Variants in KCNIP3 observed in about 807,000 individuals in gnomAD.
The protein encoded by KCNIP3 is potassium voltage-gated channel interacting protein 3, also known as calsenilin.
KCNIP3 carries 28 observed loss-of-function variants against 35.0 expected under a neutral mutation model. The ratio of observed to expected loss-of-function variants is 0.80; its 90% confidence interval spans 0.59 to 1.10. KCNIP3 has a LOEUF of 1.10. Ranked by LOEUF, KCNIP3 falls within the 50% of genes least tolerant of loss-of-function variation. The pLI, the probability that KCNIP3 is intolerant of heterozygous loss-of-function variation, is 0.00. For synonymous variants in KCNIP3, 134 were observed against 133.8 expected (o/e 1.00, Z -0.01); for missense variants, 295 against 338.4 (o/e 0.87, Z 1.01).
chr2:95,319,912 G>C (rs781589211), intron 2 of KCNIP3, among the ~76,000 whole-genome samples: 2 of 152,172 alleles, frequency 1.3e-5, no homozygotes, highest in Non-Finnish European at 2.9e-5. Context: ...CAAGGTGGCC[G>C]TTGAGCCCCA....
At chr2:95,330,541 C>A (rs982284772) in intron 2 of KCNIP3, among the ~76,000 whole-genome samples, 11 of 152,196 alleles carry the variant, frequency 7.2e-5, no homozygotes, top group Non-Finnish European at 1.0e-4. Flanking sequence ...GAGACTCACC[C>A]GTCCGTACCC....
At chr2:95,368,013 T>C (rs1469757737) in intron 2 of KCNIP3, among the ~76,000 whole-genome samples, 1 of 152,170 alleles carries the variant, frequency 6.6e-6, no homozygotes, top group Non-Finnish European at 1.5e-5. Context: ...CCACCCGCCT[T>C]GGCCTCCCAA....
In KCNIP3 at chr2:95,381,452, G is replaced by C; in HGVS notation, c.448-144G>C. 3 of 641,164 alleles carry C rather than the reference G, an allele frequency of 4.7e-6. No homozygotes were observed. The Admixed American group carries it at 7.1e-5, about 15-fold the overall frequency. The allele number at this position is 641,164 out of a possible 1,614,324, so 39.7% of individuals were successfully genotyped here. A position where few individuals can be genotyped will look rare whatever the true frequency, so the allele number is the denominator to read the frequency against. On this transcript the variant is annotated intron_variant, in intron 5 of 8. Transcript: ENST00000295225. Reference sequence around the variant, plus strand: ...ACACACGGGCACACACTCACCCTGTGCTGACCTGAATGGATGCCGTCAGTC... The same window carrying C: ...ACACACGGGCACACACTCACCCTGTCCTGACCTGAATGGATGCCGTCAGTC...
At chr2:95,322,003 T>C (rs1168214160) in intron 2 of KCNIP3, among the ~76,000 whole-genome samples, 2 of 152,120 alleles carry the variant, frequency 1.3e-5, no homozygotes, top group Non-Finnish European at 2.9e-5. Flanking sequence ...CACTCATAGC[T>C]CTGTGTGAAG....
chr2:95,365,658 G>A (rs1053944689), intron 2 of KCNIP3, among the ~76,000 whole-genome samples: 21 of 152,162 alleles, frequency 1.4e-4, no homozygotes, highest in South Asian at 2.1e-4. Context: ...GTTTTTAATG[G>A]AAGAAATAGC....
intron 2 of KCNIP3, among the ~76,000 whole-genome samples, chr2:95,369,663 C>T (rs769689396): frequency 6.6e-6 from 1 of 151,168 alleles, no homozygotes; most frequent in Non-Finnish European, 1.5e-5. Context: ...TGGGGTCTTG[C>T]CCTGCTGCCC....
chr2:95,379,403 C>T (rs1348385495), intron 5 of KCNIP3, among the ~76,000 whole-genome samples: 2 of 152,208 alleles, frequency 1.3e-5, no homozygotes, highest in African/African-American at 2.4e-5. Context: ...ACCTGTTGCC[C>T]GGCATCTGCC....
In KCNIP3 at chr2:95,384,796, G is replaced by C. The variant is rs1284708728; in HGVS notation, c.*747G>C. ...CAAGTTTAGGGATTGGGTCGTGGTGGAGAATCTGAGGGCACTCTCTGCCAG... is the reference window on the plus strand; with the variant it reads ...CAAGTTTAGGGATTGGGTCGTGGTGCAGAATCTGAGGGCACTCTCTGCCAG... On this transcript the variant is annotated 3_prime_UTR_variant, in exon 9 of 9. Transcript: ENST00000295225. 6.6e-6 allele frequency: 1 copy of C among 152,602 alleles called. No homozygotes were observed. Among genetic ancestry groups the C allele is most frequent in the Non-Finnish European group, 1.5e-5 (1 of 68,358 alleles). 9.5% of individuals were successfully genotyped at this position (152,602 alleles called of 1,614,324 possible). A position where few individuals can be genotyped will look rare whatever the true frequency, so the allele number is the denominator to read the frequency against.
At chr2:95,306,716 G>A (rs1678182541) in intron 1 of KCNIP3, among the ~76,000 whole-genome samples, 1 of 152,032 alleles carries the variant, frequency 6.6e-6, no homozygotes, top group African/African-American at 2.4e-5. Flanking sequence ...TGGGGCTCCC[G>A]GCAGGGTTGG....
In KCNIP3 at chr2:95,328,301, G is replaced by A. The variant is rs549273476; in HGVS notation, c.181+17781G>A. Among the ~76,000 whole-genome samples the A allele has an allele frequency of 8.1e-4, 123 of 152,326 alleles. 1 individual carries two copies. The highest frequency in any genetic ancestry group is 3.1e-3 in the Admixed American group (47 of 15,306). ...ATGAGGAAACTGAGGACTGGAGAAA[G>A]AATGTGAGCTGTCTGAGGTCGTTTA... On this transcript the variant is annotated intron_variant, in intron 2 of 8. Coordinates refer to ENST00000295225, the MANE Select transcript of KCNIP3 (RefSeq NM_013434.5).
At chr2:95,332,528 A>G (rs1003166078) in intron 2 of KCNIP3, among the ~76,000 whole-genome samples, 4 of 152,284 alleles carry the variant, frequency 2.6e-5, no homozygotes, top group African/African-American at 9.6e-5. Context: ...AAGGAGTCCC[A>G]GAAAACAGGT....
chr2:95,348,330 T>A (rs1296380436), intron 2 of KCNIP3, among the ~76,000 whole-genome samples: 11 of 152,182 alleles, frequency 7.2e-5, no homozygotes, highest in Non-Finnish European at 5.9e-5. Flanking sequence ...GGTGCTGGGA[T>A]TGGGGCAGAG....
chr2:95,354,720 G>A (rs924640907), intron 2 of KCNIP3, among the ~76,000 whole-genome samples: 2 of 152,244 alleles, frequency 1.3e-5, no homozygotes, highest in Non-Finnish European at 2.9e-5. Flanking sequence ...GGCCTGTTGG[G>A]TCTGCAGCTA....
chr2:95,369,135 G>C (rs184912948), intron 2 of KCNIP3, among the ~76,000 whole-genome samples: 1 of 151,612 alleles, frequency 6.6e-6, no homozygotes, highest in African/African-American at 2.4e-5. Flanking sequence ...ATAATGTGGG[G>C]AAGTTCCCTT....
At chr2:95,301,860 G>T (rs1361078362) in intron 1 of KCNIP3, among the ~76,000 whole-genome samples, 1 of 152,150 alleles carries the variant, frequency 6.6e-6, no homozygotes, top group Non-Finnish European at 1.5e-5. Flanking sequence ...GGCTGTGTGT[G>T]TGTGTGTGTG....
chr2:95,348,383 C>T (rs1003335578), intron 2 of KCNIP3, among the ~76,000 whole-genome samples: 9 of 152,178 alleles, frequency 5.9e-5, no homozygotes, highest in Admixed American at 6.5e-5. Context: ...CTCAGAGGAC[C>T]GTGCCTCCTG....
At position 95,332,244 on chromosome 2, in the gene KCNIP3, C is replaced by T. The variant is rs137934217; in HGVS notation, c.181+21724C>T. Reference sequence around the variant, plus strand: ...GCATGTGACACACAAATGGCCCTGGCGCTCTGGGGCAGATGCGTACCAACA... The same window carrying T: ...GCATGTGACACACAAATGGCCCTGGTGCTCTGGGGCAGATGCGTACCAACA... On this transcript the variant is annotated intron_variant, in intron 2 of 8. Transcript: ENST00000295225. 3.3e-3 allele frequency among the ~76,000 whole-genome samples: 502 copies of T among 152,360 alleles called. 3 individuals are homozygous for T. The highest frequency in any genetic ancestry group is 0.011 in the African/African-American group (445 of 41,582).
chr2:95,383,113 C>CTACCCCCCCCAA, intron 7 of KCNIP3, 119 bp from the exon 8 acceptor site: 1 of 470,390 alleles, frequency 2.1e-6, no homozygotes, highest in Non-Finnish European at 3.9e-6. Context: ...TGGAGGGAGC[C>CTACCCCCCCCAA]CACCCGCCCA....
chr2:95,381,648 T>C lies in KCNIP3; in HGVS notation c.500T>C (p.Leu167Pro). 5.6e-6 allele frequency: 9 copies of C among 1,614,116 alleles called. No individual in the cohort carries two copies. Among genetic ancestry groups the C allele is most frequent in the Non-Finnish European group, 7.6e-6 (9 of 1,179,990 alleles). Reference protein sequence around the residue: ...ILLRGTVHEKLKWAFNLYDIN... With the variant: ...ILLRGTVHEKPKWAFNLYDIN... The stretch of plus-strand genomic sequence containing the variant: ...CTGCGGGGCACAGTCCACGAGAAGC[T>C]CAAGTGGGCCTTTAATCTCTACGAC... Residue 167 changes from leucine (L) to proline (P), a missense_variant, in exon 6 of 9, where the codon CTC (leucine) becomes CCC (proline). Transcript: ENST00000295225.
Sources: allele counts gnomAD v4.1 joint callset (sites outside exome capture counted in the v4.1 genomes callset), GRCh38; gene constraint gnomAD v4.1.1; transcripts MANE v1.5; gene names NCBI Gene and HGNC (gene_info 2026-07-23, HGNC 2026-07-21).